Variants in SLC13A3 observed in about 807,000 individuals in gnomAD.
The protein encoded by SLC13A3 is solute carrier family 13 member 3.
A neutral mutation model predicts 59.0 loss-of-function variants in SLC13A3; 40 were observed. The ratio of observed to expected loss-of-function variants is 0.68; its 90% CI spans 0.53 to 0.88. SLC13A3 has a LOEUF of 0.88. SLC13A3 is among the 40% of genes least tolerant of loss of function. The probability of loss-of-function intolerance (pLI) is 0.00; values close to 1 mark genes in which losing one functional copy is unlikely to be tolerated. For synonymous variants in SLC13A3, 317 were observed against 330.3 expected, an observed-to-expected ratio of 0.96 and a Z score of 0.44; for missense variants, 699 against 783.2, an observed-to-expected ratio of 0.89 and a Z score of 1.28.
At chr20:46,618,498 A>T (rs1303125825) in intron 1 of SLC13A3, among the ~76,000 whole-genome samples, 1 of 152,214 alleles carries the variant, frequency 6.6e-6, no homozygotes, top group Non-Finnish European at 1.5e-5. Flanking sequence ...TTGTAGTGGT[A>T]ATAAGAGGCA....
chr20:46,561,550 C>G (rs1030169173), intron 12 of SLC13A3, among the ~76,000 whole-genome samples: 3 of 151,950 alleles, frequency 2.0e-5, no homozygotes, highest in African/African-American at 7.3e-5. Flanking sequence ...TGCCGCTTTG[C>G]ATTTATTTTT....
chr20:46,568,296 G>A (rs1245300514), intron 10 of SLC13A3, among the ~76,000 whole-genome samples: 1 of 151,080 alleles, frequency 6.6e-6, no homozygotes, highest in Non-Finnish European at 1.5e-5. Flanking sequence ...TACCCAGGAG[G>A]CTGAGGCAGG....
intron 1 of SLC13A3, among the ~76,000 whole-genome samples, chr20:46,619,319 C>T (rs2062591845): frequency 6.6e-6 from 1 of 152,196 alleles, no homozygotes; most frequent in Admixed American, 6.5e-5. Flanking sequence ...GAGAGAGGTC[C>T]CAGGCATGAT....
At chr20:46,667,560 C>T (rs192410087) in intron 1 of SLC13A3, among the ~76,000 whole-genome samples, 21 of 152,336 alleles carry the variant, frequency 1.4e-4, no homozygotes, top group Admixed American at 2.6e-4. Flanking sequence ...GTTTTCAGTA[C>T]TTTACCTGTC....
chr20:46,585,632 G>A, intron 8 of SLC13A3: 1 of 1,270,660 alleles, frequency 7.9e-7, no homozygotes. Context: ...ACAGTTCTCA[G>A]ATAGGCATTG....
intron 3 of SLC13A3, chr20:46,608,918 G>A (rs1255959405): frequency 6.4e-7 from 1 of 1,550,778 alleles, no homozygotes; most frequent in African/African-American, 1.4e-5. Context: ...CACCCGGCAG[G>A]AAGGACAGAA....
intron 10 of SLC13A3, 109 bp from the exon 11 acceptor site, chr20:46,566,499 G>T: frequency 1.6e-6 from 2 of 1,262,626 alleles, no homozygotes; most frequent in Non-Finnish European, 2.2e-6. Context: ...TTCCCAGATG[G>T]GGAGACTGAG....
intron 8 of SLC13A3, among the ~76,000 whole-genome samples, chr20:46,587,754 C>T (rs2062208649): frequency 6.6e-6 from 1 of 152,188 alleles, no homozygotes; most frequent in African/African-American, 2.4e-5. Context: ...GGTTCTCAAT[C>T]AATGTTGATT....
At position 46,563,439 on chromosome 20, in the gene SLC13A3, G is replaced by C; in HGVS notation, c.1607C>G (p.Ser536Cys). The change falls in exon 12 of 13, where the codon TCT becomes TGT. Residue 536 changes from serine to cysteine, a missense_variant. By Grantham distance (112) the Ser-to-Cys change is moderately radical. Coordinates refer to ENST00000279027, the MANE Select transcript of SLC13A3 (RefSeq NM_022829.6). ...STPPNSIAFA[S>C]GHLLVKDMVR... ...CATGTCTTTGACCAGCAAGTGTCCAGAGGCGAAGGCGATGGAGTTGGGGGG... is the reference window on the plus strand; with the variant it reads ...CATGTCTTTGACCAGCAAGTGTCCACAGGCGAAGGCGATGGAGTTGGGGGG... The C allele has an allele frequency of 6.2e-7, 1 of 1,614,142 alleles. No homozygotes were observed. The highest frequency in any genetic ancestry group is 2.2e-5 in the East Asian group (1 of 44,856).
intron 11 of SLC13A3, among the ~76,000 whole-genome samples, chr20:46,564,784 G>A (rs558282970): frequency 8.5e-5 from 13 of 152,186 alleles, no homozygotes; most frequent in East Asian, 3.8e-4. Flanking sequence ...CAGGTGACAC[G>A]TCATTGTTGA....
At chr20:46,662,438 G>A (rs941542179) in intron 1 of SLC13A3, among the ~76,000 whole-genome samples, 1 of 152,172 alleles carries the variant, frequency 6.6e-6, no homozygotes, top group Admixed American at 6.5e-5. Flanking sequence ...CCATGTGAAA[G>A]TCAAAGAATA....
chr20:46,566,294 A>G lies in SLC13A3; in HGVS notation c.1429T>C (p.Phe477Leu). The change falls in exon 11 of 13, where the codon TTC (phenylalanine) becomes CTC (leucine). Residue 477 changes from phenylalanine (F) to leucine (L), a missense_variant. Transcript: ENST00000279027. ...GTGTTGCTGGCAAACTCAGTGAAGA[A>G]GGCGATGACCACAGTGATGAGCAGC... Reference protein sequence around the residue: ...AVLLITVVIAFFTEFASNTAT... With the variant: ...AVLLITVVIALFTEFASNTAT... The G allele has an allele frequency of 6.2e-7, 1 of 1,613,806 alleles. No homozygotes were observed. The highest frequency in any genetic ancestry group is 8.5e-7 in the Non-Finnish European group (1 of 1,179,782).
intron 3 of SLC13A3, among the ~76,000 whole-genome samples, chr20:46,603,374 T>C (rs141098907): frequency 6.6e-6 from 1 of 151,924 alleles, no homozygotes; most frequent in African/African-American, 2.4e-5. Context: ...TTGGGGGACA[T>C]CAAAAAAATT....
chr20:46,651,296 C>A lies in SLC13A3; in HGVS notation c.111+15G>T. Reference sequence around the variant, plus strand: ...CTGTGGTTGACCGGGGGCGCACAGGCGGAGGAGGCGTTACCTTGGGCGGGA... The same window carrying A: ...CTGTGGTTGACCGGGGGCGCACAGGAGGAGGAGGCGTTACCTTGGGCGGGA... On this transcript the variant is annotated intron_variant, in intron 1 of 12. Coordinates refer to ENST00000279027, the MANE Select transcript of SLC13A3 (RefSeq NM_022829.6). The A allele has an allele frequency of 2.7e-6, 4 of 1,480,408 alleles. No individual in the cohort carries two copies. The highest frequency in any genetic ancestry group is 3.6e-6 in the Non-Finnish European group (4 of 1,116,606). The allele number at this position is 1,480,408 out of a possible 1,614,324, so 91.7% of individuals were successfully genotyped here.
chr20:46,614,359 G>T (rs1022121303), intron 1 of SLC13A3, among the ~76,000 whole-genome samples: 4 of 152,230 alleles, frequency 2.6e-5, no homozygotes, highest in African/African-American at 9.6e-5. Flanking sequence ...GCCATCATTG[G>T]TTGAGGGCTG....
chr20:46,682,624 T>C (rs2063158892), intron 1 of SLC13A3, among the ~76,000 whole-genome samples: 1 of 152,134 alleles, frequency 6.6e-6, no homozygotes, highest in Non-Finnish European at 1.5e-5. Flanking sequence ...TGTGTCTCAT[T>C]TGCTTCTTCT....
chr20:46,596,140 G>T lies in SLC13A3; in HGVS notation c.794+17C>A, dbSNP rs1356665674. The T allele has an allele frequency of 1.2e-6, 2 of 1,609,424 alleles. No individual in the cohort carries two copies. The highest frequency in any genetic ancestry group is 1.7e-5 in the Admixed American group (1 of 59,810). ...AGGAGCAGAACCCTCCCCGCCGGTG[G>T]GGACTCTCGCTTTCACCTCTTGAGC... On this transcript the variant is annotated intron_variant, in intron 5 of 12. Transcript: ENST00000279027.
chr20:46,655,836 A>AG (rs2062982695), upstream of SLC13A3, among the ~76,000 whole-genome samples: 1 of 137,606 alleles, frequency 7.3e-6, no homozygotes, highest in African/African-American at 2.7e-5. Context: ...ACTATACAGT[A>AG]TATATTATAC....
chr20:46,666,750 T>C (rs1181524092), intron 1 of SLC13A3, among the ~76,000 whole-genome samples: 1 of 152,146 alleles, frequency 6.6e-6, no homozygotes, highest in African/African-American at 2.4e-5. Context: ...GCGACCCTCC[T>C]GCCTCGGCCT....
Sources: gnomAD v4.1 joint callset for allele counts (sites outside exome capture counted in the v4.1 genomes callset) on GRCh38, gnomAD v4.1.1 for gene constraint, MANE v1.5 for transcripts, NCBI Gene and HGNC (gene_info 2026-07-23, HGNC 2026-07-21) for gene names.